Variants in CDKAL1 observed in about 807,000 individuals in gnomAD.
CDKAL1 encodes the protein threonylcarbamoyladenosine tRNA methylthiotransferase.
A neutral mutation model predicts 68.2 loss-of-function variants in CDKAL1; 32 were observed. The ratio of observed to expected loss-of-function variants is 0.47; its 90% CI spans 0.35 to 0.63. The LOEUF is 0.63. CDKAL1 is among the 30% of genes least tolerant of loss of function. CDKAL1 has a pLI of 0.00. For missense variants in CDKAL1, 606 were observed against 696.7 expected, an observed-to-expected ratio of 0.87 and a Z score of 1.47; for synonymous variants, 234 against 244.3, an observed-to-expected ratio of 0.96 and a Z score of 0.39.
intron 6 of CDKAL1, among the ~76,000 whole-genome samples, chr6:20,742,098 G>A (rs569202147): frequency 4.0e-4 from 61 of 152,008 alleles, no homozygotes; most frequent in Non-Finnish European, 7.5e-4. Flanking sequence ...TGTTAGCCGC[G>A]TGTATGTCTT....
chr6:20,644,663 G>A lies in CDKAL1; in HGVS notation c.287-4630G>A, dbSNP rs531980124. Among the ~76,000 whole-genome samples, 137 of 151,780 alleles carry A rather than the reference G, an allele frequency of 9.0e-4. 1 individual carries two copies. The highest frequency in any genetic ancestry group is 2.6e-3 in the Admixed American group (40 of 15,228). ...AGCCTGGGCAACAGAGCGAGACTCCGTCTCAAAACAAAAACAAAAACAAAA... is the reference window on the plus strand; with the variant it reads ...AGCCTGGGCAACAGAGCGAGACTCCATCTCAAAACAAAAACAAAAACAAAA... On this transcript the variant is annotated intron_variant, in intron 4 of 15. Coordinates refer to ENST00000274695, the MANE Select transcript of CDKAL1 (RefSeq NM_017774.3).
At chr6:20,688,207 A>G (rs1770715259) in intron 5 of CDKAL1, among the ~76,000 whole-genome samples, 2 of 149,804 alleles carry the variant, frequency 1.3e-5, no homozygotes, top group East Asian at 4.0e-4. Flanking sequence ...ATGCATAGGT[A>G]TAGTTTTTTT....
intron 11 of CDKAL1, among the ~76,000 whole-genome samples, chr6:21,052,718 T>C (rs1770611807): frequency 6.6e-6 from 1 of 152,176 alleles, no homozygotes. Context: ...AAAGTTGAAC[T>C]GTTAAGACTT....
At chr6:20,719,036 T>C (rs538177250) in intron 5 of CDKAL1, among the ~76,000 whole-genome samples, 1 of 152,298 alleles carries the variant, frequency 6.6e-6, no homozygotes, top group African/African-American at 2.4e-5. Context: ...AGAAGATTTG[T>C]CTTTCTGTCA....
chr6:21,122,035 C>T (rs907063355), intron 13 of CDKAL1, among the ~76,000 whole-genome samples: 1 of 152,126 alleles, frequency 6.6e-6, no homozygotes, highest in East Asian at 1.9e-4. Context: ...TAACTAAGCC[C>T]TATGGAGCTC....
chr6:21,220,897 T>C (rs1779516468), intron 15 of CDKAL1, among the ~76,000 whole-genome samples: 1 of 152,158 alleles, frequency 6.6e-6, no homozygotes, highest in African/African-American at 2.4e-5. Context: ...CCAGGCACGG[T>C]GGCTCATACC....
rs535104974 is a variant in CDKAL1 at position 20,738,145 on chromosome 6, G to C, written c.372-1374G>C. ...GAGGTTGCTTGTAGTGGTGGGAGGA[G>C]GGACCCAATTGGGTACATAACACGC... On this transcript the variant is annotated intron_variant, in intron 5 of 15. Transcript: ENST00000274695. 5.3e-5 allele frequency among the ~76,000 whole-genome samples: 8 copies of C among 152,228 alleles called. No homozygotes were observed. In the South Asian group the frequency reaches 1.7e-3, roughly 32 times the overall value.
intron 13 of CDKAL1, among the ~76,000 whole-genome samples, chr6:21,171,807 G>A (rs1777400114): frequency 6.6e-6 from 1 of 152,124 alleles, no homozygotes; most frequent in Non-Finnish European, 1.5e-5. Context: ...TTTTAGAAAA[G>A]CTGTCCACAC....
rs150129031 is a variant in CDKAL1, at chr6:20,741,742, G to A, written c.468+2127G>A. On this transcript the variant is annotated intron_variant, in intron 6 of 15. Transcript: ENST00000274695. ...CATTGTAGGTTGATTCCATGTCTTT[G>A]CTATTGTGAATAGTGCTACAGTGAA... Among the ~76,000 whole-genome samples the A allele has an allele frequency of 3.5e-3, 526 of 152,112 alleles. 4 individuals are homozygous for A. The highest frequency in any genetic ancestry group is 0.012 in the African/African-American group (498 of 41,490).
At chr6:20,951,612 T>C (rs1040191717) in intron 9 of CDKAL1, among the ~76,000 whole-genome samples, 1 of 152,194 alleles carries the variant, frequency 6.6e-6, no homozygotes, top group African/African-American at 2.4e-5. Context: ...TAAGGCTTTT[T>C]TCCTGTACAG....
chr6:21,024,241 T>C (rs971494789), intron 11 of CDKAL1, among the ~76,000 whole-genome samples: 1 of 152,206 alleles, frequency 6.6e-6, no homozygotes, highest in African/African-American at 2.4e-5. Flanking sequence ...GTTTTATAGG[T>C]GACATGTGCC....
chr6:20,810,639 T>TATGG (rs1261479207), intron 8 of CDKAL1, among the ~76,000 whole-genome samples: 2 of 134,788 alleles, frequency 1.5e-5, no homozygotes, highest in Non-Finnish European at 3.2e-5. Flanking sequence ...TGTGTGTGTG[T>TATGG]GTGTGTGTGT....
chr6:20,605,393 A>T (rs570721651), intron 4 of CDKAL1, among the ~76,000 whole-genome samples: 1 of 152,178 alleles, frequency 6.6e-6, no homozygotes, highest in Non-Finnish European at 1.5e-5. Flanking sequence ...TGGGTACACT[A>T]ATAATGGTTA....
At chr6:21,210,594 T>A (rs1779114633) in intron 15 of CDKAL1, among the ~76,000 whole-genome samples, 1 of 152,198 alleles carries the variant, frequency 6.6e-6, no homozygotes, top group African/African-American at 2.4e-5. Context: ...GGCATTTTGT[T>A]ACAGTCACCG....
At chr6:20,559,800 A>G (rs1764197926) in intron 4 of CDKAL1, 1 of 152,162 alleles carries the variant, frequency 6.6e-6, no homozygotes, top group Non-Finnish European at 1.5e-5. Context: ...ATTTTCAGAA[A>G]CTTGACATTT....
At chr6:20,758,890 T>TGGGGGC (rs1184855117) in intron 7 of CDKAL1, among the ~76,000 whole-genome samples, 12 of 152,128 alleles carry the variant, frequency 7.9e-5, no homozygotes, top group African/African-American at 1.9e-4. Flanking sequence ...ACCCCAGCAG[T>TGGGGGC]TGGGGCTGGG....
In CDKAL1 at chr6:20,922,205, G is replaced by A. The variant is rs78428262; in HGVS notation, c.743-33214G>A. ...AAATCTCGTGTTCGAATAAATCACT[G>A]CCCCATCAGCATTCAGAGGGTCTAC... On this transcript the variant is annotated intron_variant, in intron 9 of 15. Coordinates refer to ENST00000274695, the MANE Select transcript of CDKAL1 (RefSeq NM_017774.3). Among the ~76,000 whole-genome samples, 57 of 152,308 alleles carry A rather than the reference G, an allele frequency of 3.7e-4. No individual in the cohort carries two copies. The East Asian group carries it at 0.011, about 29-fold the overall frequency.
At chr6:20,784,794 C>T (rs1176436181) in intron 8 of CDKAL1, among the ~76,000 whole-genome samples, 1 of 152,006 alleles carries the variant, frequency 6.6e-6, no homozygotes, top group Non-Finnish European at 1.5e-5. Flanking sequence ...GGGCTGCCTG[C>T]ACTCAATAAA....
chr6:20,736,296 A>C lies in CDKAL1; in HGVS notation c.372-3223A>C, dbSNP rs182156609. ...AAGGTGGCAGAGTTTAAGAAGTTGC[A>C]ACAGAGACCTTATGACCAGCAAAGC... On this transcript the variant is annotated intron_variant, in intron 5 of 15. Coordinates refer to ENST00000274695, the MANE Select transcript of CDKAL1 (RefSeq NM_017774.3). Among the ~76,000 whole-genome samples, 254 of 152,270 alleles carry C rather than the reference A, an allele frequency of 1.7e-3. 1 individual carries two copies. The highest frequency in any genetic ancestry group is 5.6e-3 in the African/African-American group (231 of 41,530).
Sources: allele counts gnomAD v4.1 joint callset (sites outside exome capture counted in the v4.1 genomes callset), GRCh38; gene constraint gnomAD v4.1.1; transcripts MANE v1.5; gene names NCBI Gene and HGNC (gene_info 2026-07-23, HGNC 2026-07-21).